The following ANK1 variants were observed in gnomAD, a reference collection of about 807,000 sequenced individuals.
ANK1 encodes the protein ankyrin-1.
A neutral mutation model predicts 210.4 loss-of-function variants in ANK1; 51 were observed. The ratio of observed to expected loss-of-function variants is 0.24; its 90% CI spans 0.19 to 0.31. The LOEUF is 0.31. ANK1 is among the 10% of genes least tolerant of loss of function. ANK1 has a pLI of 1.00. For synonymous variants in ANK1, 967 were observed against 1,025.9 expected (o/e 0.94, Z 1.10); for missense variants, 2,051 against 2,504.4 (o/e 0.82, Z 3.86).
At chr8:41,684,456 AT>A (rs1352620855) in intron 37 of ANK1, 87 bp downstream of exon 37, 1 of 1,574,130 alleles carries the variant, frequency 6.4e-7, no homozygotes. Flanking sequence ...GCTTTGAGGG[AT>A]GACGTATTGT....
chr8:41,682,338 C>T (rs1169719985), intron 37 of ANK1, among the ~76,000 whole-genome samples: 3 of 152,238 alleles, frequency 2.0e-5, no homozygotes, highest in African/African-American at 7.2e-5. Flanking sequence ...CACCATGAGT[C>T]CCCCTGGCCC....
intron 1 of ANK1, among the ~76,000 whole-genome samples, chr8:41,895,934 C>T (rs1820418431): frequency 6.6e-6 from 1 of 152,102 alleles, no homozygotes; most frequent in Non-Finnish European, 1.5e-5. Flanking sequence ...GAGCCTGCAG[C>T]CGCGTTTACC....
chr8:41,849,522 C>CT (rs1322195135), intron 1 of ANK1, among the ~76,000 whole-genome samples: 6 of 27,672 alleles, frequency 2.2e-4, no homozygotes, highest in Admixed American at 5.5e-4. Flanking sequence ...AGACAATGTC[C>CT]CAAAAAAAAA....
At chr8:41,831,247 C>T (rs1364094970) in intron 1 of ANK1, among the ~76,000 whole-genome samples, 1 of 152,174 alleles carries the variant, frequency 6.6e-6, no homozygotes, top group Admixed American at 6.5e-5. Flanking sequence ...AAAGTGTGGG[C>T]AGCTGCGGGC....
intron 1 of ANK1, among the ~76,000 whole-genome samples, chr8:41,761,191 G>A (rs377048915): frequency 1.7e-4 from 17 of 99,128 alleles, no homozygotes; most frequent in Admixed American, 8.5e-4. Context: ...AGATGCATGC[G>A]CACACACACA....
intron 1 of ANK1, among the ~76,000 whole-genome samples, chr8:41,827,403 C>G (rs1182373732): frequency 6.6e-6 from 1 of 152,132 alleles, no homozygotes; most frequent in African/African-American, 2.4e-5. Context: ...AGACTGCTCT[C>G]TGAGTTGGAA....
At position 41,893,814 on chromosome 8, in the gene ANK1, A is replaced by G. The variant is rs563752739; in HGVS notation, c.126+2541T>C. Among the ~76,000 whole-genome samples, 124 of 152,358 alleles carry G rather than the reference A, an allele frequency of 8.1e-4. 2 individuals carry two copies. The South Asian group carries it at 0.018, about 23-fold the overall frequency. On this transcript the variant is annotated intron_variant, in intron 1 of 42. Transcript: ENST00000265709. ...CACACACTCTGTAGTCTGTGTGAGC[A>G]GCTGTAAAGTCCTCAGCTGCCTGAT...
In ANK1 at chr8:41,672,406, G is replaced by C; in HGVS notation, c.5044C>G (p.Arg1682Gly). 6.2e-7 allele frequency: 1 copy of C among 1,614,148 alleles called. No homozygotes were observed. The change falls in exon 38 of 43, where the codon CGA (arginine) becomes GGA (glycine). Residue 1682 changes from arginine to glycine, a missense_variant. Around this residue, in one of 6 missense-constraint regions of ANK1, gnomAD observed 496 missense variants for 533.4 expected, o/e 0.93. Coordinates refer to ENST00000289734, the MANE Select transcript of ANK1 (RefSeq NM_000037.4). ...LVSGHQRGQA[R>G]ITHSPTVSQV... ...CTCACGGTGGGGGAATGTGTGATTC[G>C]GGCTTGCCCCCTCTGATGGCCTGAA...
rs750744290 is a variant in ANK1, at chr8:41,661,930, C to T, written c.5490G>A (p.Lys1830=). Residue 1830 remains lysine, a synonymous_variant, in exon 41 of 43, where the codon AAG becomes AAA. Transcript: ENST00000289734. ...TGGACAAGTCTATCTGTCGAACCAC[C>T]TTGCGAATGATCTAGGAAAGGAAGG... is the stretch of plus-strand genomic sequence containing the variant. ...GNIVTKKIIR[K]VVRQIDLSSA... The T allele has an allele frequency of 6.2e-7, 1 of 1,613,872 alleles. No homozygotes were observed. The highest frequency in any genetic ancestry group is 1.7e-5 in the Admixed American group (1 of 60,000).
Position 41,738,205 on chromosome 8 carries a change from T to C in ANK1, c.130-4136A>G, listed in dbSNP as rs190018039. 4.0e-4 allele frequency among the ~76,000 whole-genome samples: 37 copies of C among 93,642 alleles called. 2 individuals are homozygous for C. Among genetic ancestry groups the C allele is most frequent in the African/African-American group, 9.4e-4 (31 of 32,904 alleles). The allele number at this position is 93,642 out of a possible 152,430, so 61.4% of individuals were successfully genotyped here. On this transcript the variant is annotated intron_variant, in intron 2 of 42. Coordinates refer to ENST00000289734, the MANE Select transcript of ANK1 (RefSeq NM_000037.4). ...TTAAAAACAGCAAGATGAGAAGTGT[T>C]TAGATTCTAAACCCATAAGCTAAAA...
rs146384684 is a variant in ANK1 at position 41,874,850 on chromosome 8, T to C, written c.126+21505A>G. Among the ~76,000 whole-genome samples the C allele has an allele frequency of 9.2e-5, 14 of 152,336 alleles. No homozygotes were observed. In the East Asian group the frequency reaches 2.7e-3, roughly 29 times the overall value. On this transcript the variant is annotated intron_variant, in intron 1 of 42. Coordinates refer to the ANK1 transcript ENST00000265709. The stretch of plus-strand genomic sequence containing the variant: ...TGCTTTTGATCTTCCCATTCCAAAG[T>C]TGGAAAAATACCCAAGGTCATTTCC...
chr8:41,870,393 G>A (rs909054833), intron 1 of ANK1, among the ~76,000 whole-genome samples: 1 of 152,120 alleles, frequency 6.6e-6, no homozygotes, highest in Admixed American at 6.5e-5. Context: ...TCATTCAGAC[G>A]ACATGCTCTG....
Position 41,758,106 on chromosome 8 carries a change from G to C in ANK1, c.59C>G (p.Ala20Gly). 6.2e-7 allele frequency: 1 copy of C among 1,614,028 alleles called. No individual in the cohort carries two copies. Among genetic ancestry groups the C allele is most frequent in the Non-Finnish European group, 8.5e-7 (1 of 1,180,024 alleles). ...AGCTTTGTCCAAGTTACCTGATCTT[G>C]CTGCTCTCAGAAAGCTGGTAGCAGC... ...ADAATSFLRAARSGNLDKALD... is the reference protein window; with the variant it reads ...ADAATSFLRAGRSGNLDKALD... The change falls in exon 2 of 43, where the codon GCA (alanine) becomes GGA (glycine). Residue 20 changes from alanine (A) to glycine (G), a missense_variant. Transcript: ENST00000289734.
At chr8:41,661,696 G>GAGCT in intron 41 of ANK1, 132 bp from the exon 42 acceptor site, 1 of 1,597,578 alleles carries the variant, frequency 6.3e-7, no homozygotes, top group Non-Finnish European at 8.5e-7. Context: ...ACTGGAGAGA[G>GAGCT]AGCTCATAAA....
At position 41,696,591 on chromosome 8, in the gene ANK1, G is replaced by C; in HGVS notation, c.2736-4C>G. 6.2e-7 allele frequency: 1 copy of C among 1,613,772 alleles called. No individual in the cohort carries two copies. The highest frequency in any genetic ancestry group is 1.1e-5 in the South Asian group (1 of 91,076). The stretch of plus-strand genomic sequence containing the variant: ...AACCATGAAGCTCACCAGAAACCTA[G>C]GAGTGGGGCAGATGCACGTTGGGCT... On this transcript the variant is annotated splice_region_variant and splice_polypyrimidine_tract_variant and intron_variant, in intron 25 of 42. Transcript: ENST00000289734.
chr8:41,750,615 T>C (rs529530741), intron 2 of ANK1, among the ~76,000 whole-genome samples: 48 of 152,118 alleles, frequency 3.2e-4, no homozygotes, highest in African/African-American at 1.1e-3. Context: ...GCACGTGCTA[T>C]AGGTTAAGCA....
upstream of ANK1, among the ~76,000 whole-genome samples, chr8:41,801,131 A>T (rs1849797204): frequency 6.6e-6 from 1 of 151,910 alleles, no homozygotes; most frequent in South Asian, 2.1e-4. Context: ...TATTTTCCAG[A>T]TGGGATCTCA....
chr8:41,850,489 T>G (rs1165333432), intron 1 of ANK1, among the ~76,000 whole-genome samples: 1 of 152,178 alleles, frequency 6.6e-6, no homozygotes, highest in Non-Finnish European at 1.5e-5. Context: ...ATGAATTTAT[T>G]TACCTTTTAG....
chr8:41,848,383 T>C (rs1459011203), intron 1 of ANK1, among the ~76,000 whole-genome samples: 1 of 152,172 alleles, frequency 6.6e-6, no homozygotes, highest in African/African-American at 2.4e-5. Flanking sequence ...TTGGCTAAAA[T>C]GCGAAGACCT....
Sources: allele counts gnomAD v4.1 joint callset (sites outside exome capture counted in the v4.1 genomes callset), GRCh38; gene constraint gnomAD v4.1.1; regional missense constraint gnomAD v4.1.1; transcripts MANE v1.5; gene names NCBI Gene and HGNC (gene_info 2026-07-23, HGNC 2026-07-21).